The following SARM1 variants were observed in gnomAD, a reference collection of about 807,000 sequenced individuals.
SARM1 encodes NAD(+) hydrolase SARM1.
Under a neutral mutation model 65.1 loss-of-function variants are expected in SARM1, and 60 were observed. That is an observed-to-expected ratio of 0.92 (90% CI 0.75 to 1.14). The LOEUF is 1.14. Ranked by LOEUF, SARM1 falls within the 50% of genes most tolerant of loss-of-function variation. The pLI is 0.00. For missense variants in SARM1, 913 were observed against 1,015.7 expected (o/e 0.90, Z 1.37); for synonymous variants, 417 against 465.4 (o/e 0.90, Z 1.34).
intron 2 of SARM1, among the ~76,000 whole-genome samples, chr17:28,383,373 CA>C (rs2068033637): frequency 6.6e-6 from 1 of 151,950 alleles, no homozygotes; most frequent in Non-Finnish European, 1.5e-5. Context: ...GGCTCCATCT[CA>C]AAAAAGAAAA....
Position 28,396,283 on chromosome 17 carries a change from C to T in SARM1, c.2172C>T (p.Thr724=), listed in dbSNP as rs782029180. The T allele has an allele frequency of 5.6e-6, 9 of 1,613,822 alleles. No homozygotes were observed. In the African/African-American group the frequency reaches 1.1e-4, roughly 19 times the overall value. Residue 724 remains threonine, a synonymous_variant, in exon 9 of 9, where the codon ACC becomes ACT. Transcript: ENST00000585482. ...AGGGTGCTGCACCCATGGGTCCAACCTAACCAGTCCCCAGTTCCCCAGCCC... is the reference window on the plus strand; with the variant it reads ...AGGGTGCTGCACCCATGGGTCCAACTTAACCAGTCCCCAGTTCCCCAGCCC... ...SLEGAAPMGP[T]
At chr17:28,394,720 CT>C (rs1555587393) in intron 7 of SARM1, 3 of 152,174 alleles carry the variant, frequency 2.0e-5, no homozygotes, top group African/African-American at 7.2e-5. Flanking sequence ...TATAGAGTTT[CT>C]TTGAGTGCAA....
Position 28,402,152 on chromosome 17 carries a change from T to C in SARM1, c.*5866T>C. 8.6e-7 allele frequency: 1 copy of C among 1,165,272 alleles called. No individual in the cohort carries two copies. The highest frequency in any genetic ancestry group is 1.2e-6 in the Non-Finnish European group (1 of 822,368). 72.2% of individuals were successfully genotyped at this position (1,165,272 alleles called of 1,614,324 possible). On this transcript the variant is annotated 3_prime_UTR_variant, in exon 9 of 9. Coordinates refer to ENST00000585482, the MANE Select transcript of SARM1 (RefSeq NM_015077.4). ...CAGGGTGAGAGGGGGGAAGGCAAGC[T>C]GTTCCCCCAGCCATGGCTGCCCATC...
chr17:28,372,153 C>G lies in SARM1; in HGVS notation c.121C>G (p.Pro41Ala). ...PGPDGGGGTG[P>A]WWAAGGRGPR... ...GCCAGATGGGGGCGGTGGCACGGGC[C>G]CATGGTGGGCTGCGGGTGGCCGCGG... The change falls in exon 1 of 9, where the codon CCA becomes GCA. Residue 41 changes from proline (P) to alanine (A), a missense_variant. By Grantham distance (27) the Pro-to-Ala change is conservative (BLOSUM62 -1). Around this residue, in one of 3 missense-constraint regions of SARM1, gnomAD observed 12 missense variants for 31.5 expected, o/e 0.38. Transcript: ENST00000585482. This position sits in a 1 kb window ranked among gnomAD's most constrained non-coding sequence, Gnocchi z 5.2. 7.2e-7 allele frequency: 1 copy of G among 1,388,366 alleles called. No individual in the cohort carries two copies. Among genetic ancestry groups the G allele is most frequent in the African/African-American group, 1.5e-5 (1 of 65,772 alleles). The allele number at this position is 1,388,366 out of a possible 1,614,324, so 86.0% of individuals were successfully genotyped here.
chr17:28,385,726 G>C lies in SARM1; in HGVS notation c.1630+451G>C, dbSNP rs567434731. Among the ~76,000 whole-genome samples, 19 of 152,268 alleles carry C rather than the reference G, an allele frequency of 1.2e-4. No individual in the cohort carries two copies. The East Asian group carries it at 1.5e-3, about 12-fold the overall frequency. On this transcript the variant is annotated intron_variant, in intron 5 of 8. Coordinates refer to ENST00000585482, the MANE Select transcript of SARM1 (RefSeq NM_015077.4). This position sits in a 1 kb window ranked among gnomAD's most constrained non-coding sequence, Gnocchi z 4.5. The stretch of plus-strand genomic sequence containing the variant: ...TGGGGTGTAGGCGGGAAGGGTGTGC[G>C]TATGTGTGTTATCCTATTGGCCAAC...
In SARM1 at chr17:28,372,374, G is replaced by A. The variant is rs1479570257; in HGVS notation, c.342G>A (p.Gln114=). 1 of 1,523,164 alleles carries A rather than the reference G, an allele frequency of 6.6e-7. No individual in the cohort carries two copies. The highest frequency in any genetic ancestry group is 8.8e-7 in the Non-Finnish European group (1 of 1,141,798). 94.4% of individuals were successfully genotyped at this position (1,523,164 alleles called of 1,614,324 possible). The change falls in exon 1 of 9, where the codon CAG becomes CAA. Residue 114 remains glutamine (Q), a synonymous_variant. Transcript: ENST00000585482. This position sits in a 1 kb window ranked among gnomAD's most constrained non-coding sequence, Gnocchi z 5.2. ...LLPAVGREVA[Q]GLCDAIRLDG... ...CGGCCGTGGGCCGCGAGGTAGCCCA[G>A]GGTCTGTGCGACGCCATCCGCCTCG...
At chr17:28,379,438 G>A (rs1456794805) in intron 1 of SARM1, among the ~76,000 whole-genome samples, 9 of 150,274 alleles carry the variant, frequency 6.0e-5, no homozygotes, top group Non-Finnish European at 1.0e-4. Flanking sequence ...AGCCTCCTGA[G>A]CAGCTAGGAC....
chr17:28,396,069 C>G, intron 8 of SARM1, 43 bp downstream of exon 8: 4 of 1,613,568 alleles, frequency 2.5e-6, no homozygotes, highest in Non-Finnish European at 3.4e-6. Flanking sequence ...GGGTACAAAT[C>G]ACCATGACAG....
At chr17:28,392,079 C>A (rs1567810125) in intron 7 of SARM1, among the ~76,000 whole-genome samples, 1 of 151,626 alleles carries the variant, frequency 6.6e-6, no homozygotes, top group African/African-American at 2.4e-5. Flanking sequence ...TGATCCTGAA[C>A]AAACCATTAT....
At position 28,385,341 on chromosome 17, in the gene SARM1, G is replaced by A; in HGVS notation, c.1630+66G>A. ...CAGCCACGGCCCTGGAATGGTGAGG[G>A]GAGACACGGGGTGGAGCCTTCCAGC... On this transcript the variant is annotated intron_variant, in intron 5 of 8. Coordinates refer to ENST00000585482, the MANE Select transcript of SARM1 (RefSeq NM_015077.4). This position sits in a 1 kb window ranked among gnomAD's most constrained non-coding sequence, Gnocchi z 4.5. 8.1e-7 allele frequency: 1 copy of A among 1,239,258 alleles called. No individual in the cohort carries two copies. Among genetic ancestry groups the A allele is most frequent in the Non-Finnish European group, 1.1e-6 (1 of 911,186 alleles). 76.8% of individuals were successfully genotyped at this position (1,239,258 alleles called of 1,614,324 possible). A position where few individuals can be genotyped will look rare whatever the true frequency, so the allele number is the denominator to read the frequency against.
rs569375096 is a variant in SARM1, at chr17:28,381,831, G to C, written c.1089+10G>C. 3.7e-5 allele frequency: 53 copies of C among 1,434,824 alleles called. No homozygotes were observed. The African/African-American group carries it at 7.2e-4, about 19-fold the overall frequency. 88.9% of individuals were successfully genotyped at this position (1,434,824 alleles called of 1,614,324 possible). ...GCAAGGCAAGACCAAGGTGGGTGCAGATGTGGGGTTGGGTGGATCAGGGGT... is the reference window on the plus strand; with the variant it reads ...GCAAGGCAAGACCAAGGTGGGTGCACATGTGGGGTTGGGTGGATCAGGGGT... On this transcript the variant is annotated intron_variant, in intron 2 of 8. Transcript: ENST00000585482.
Position 28,399,350 on chromosome 17 carries a change from C to T in SARM1, c.*3064C>T. On this transcript the variant is annotated 3_prime_UTR_variant, in exon 9 of 9. Transcript: ENST00000585482. Reference sequence around the variant, plus strand: ...AGTGTCACCTCTCTCAGGACCTCTCCTCTGGCCTGTGGGGTTATAAGTGAT... The same window carrying T: ...AGTGTCACCTCTCTCAGGACCTCTCTTCTGGCCTGTGGGGTTATAAGTGAT... 1 of 373,440 alleles carries T rather than the reference C, an allele frequency of 2.7e-6. No individual in the cohort carries two copies. The highest frequency in any genetic ancestry group is 5.0e-6 in the Non-Finnish European group (1 of 199,342). 23.1% of individuals were successfully genotyped at this position (373,440 alleles called of 1,614,324 possible).
chr17:28,373,395 G>T (rs911476815), intron 1 of SARM1: 3 of 152,232 alleles, frequency 2.0e-5, no homozygotes, highest in African/African-American at 4.8e-5. Context: ...GCTTAGAAGA[G>T]TTTTTGGAAG....
rs1161547292 is a variant in SARM1 at position 28,400,171 on chromosome 17, A to G, written c.*3885A>G. ...CAGCCTCCCACAGGATCGGGATTAC[A>G]GGCAAGAGCCTCCACGCCCGGCCAT... On this transcript the variant is annotated 3_prime_UTR_variant, in exon 9 of 9. Coordinates refer to ENST00000585482, the MANE Select transcript of SARM1 (RefSeq NM_015077.4). The G allele has an allele frequency of 4.1e-6, 1 of 245,414 alleles. No homozygotes were observed. The highest frequency in any genetic ancestry group is 2.3e-5 in the African/African-American group (1 of 44,316). The allele number at this position is 245,414 out of a possible 1,614,324, so 15.2% of individuals were successfully genotyped here. A position where few individuals can be genotyped will look rare whatever the true frequency, so the allele number is the denominator to read the frequency against.
rs565317803 is a variant in SARM1, at chr17:28,389,597, C to T, written c.1923+1058C>T. Among the ~76,000 whole-genome samples, 14 of 152,254 alleles carry T rather than the reference C, an allele frequency of 9.2e-5. No homozygotes were observed. In the South Asian group the frequency reaches 2.9e-3, roughly 32 times the overall value. ...CAGTCAGCTCAGAGACAAGAATATGCCCAGAGGGCTGGGCACAGTGGTTCA... is the reference window on the plus strand; with the variant it reads ...CAGTCAGCTCAGAGACAAGAATATGTCCAGAGGGCTGGGCACAGTGGTTCA... On this transcript the variant is annotated intron_variant, in intron 7 of 8. Transcript: ENST00000585482.
At chr17:28,389,561 G>A (rs1269292133) in intron 7 of SARM1, among the ~76,000 whole-genome samples, 1 of 152,148 alleles carries the variant, frequency 6.6e-6, no homozygotes, top group Non-Finnish European at 1.5e-5. Context: ...TAAGAGACAG[G>A]ATGAGACAAG....
intron 1 of SARM1, among the ~76,000 whole-genome samples, chr17:28,376,852 G>A (rs1488331660): frequency 0.018 from 2 of 110 alleles, no homozygotes; most frequent in African/African-American, 0.062. Context: ...GCAGTGGCAC[G>A]ATCTTGGGCT....
At position 28,385,023 on chromosome 17, in the gene SARM1, T is replaced by C. The variant is rs2068043202; in HGVS notation, c.1395-17T>C. Reference sequence around the variant, plus strand: ...TCCGAGTCTGGACCTCAGCGTCTTCTCCTCCGTGGGGTGCAGGTTCTTTAG... The same window carrying C: ...TCCGAGTCTGGACCTCAGCGTCTTCCCCTCCGTGGGGTGCAGGTTCTTTAG... On this transcript the variant is annotated splice_polypyrimidine_tract_variant and intron_variant, in intron 4 of 8. Transcript: ENST00000585482. The surrounding 1 kb of genome is among the most constrained non-coding windows in gnomAD (Gnocchi z 4.5). 1 of 1,611,416 alleles carries C rather than the reference T, an allele frequency of 6.2e-7. No individual in the cohort carries two copies. The highest frequency in any genetic ancestry group is 8.5e-7 in the Non-Finnish European group (1 of 1,178,006).
At chr17:28,391,054 G>C (rs2068077461) in intron 7 of SARM1, among the ~76,000 whole-genome samples, 1 of 152,192 alleles carries the variant, frequency 6.6e-6, no homozygotes, top group South Asian at 2.1e-4. Flanking sequence ...CAGCTCTGAG[G>C]GGGTGTGAGG....
Sources: gnomAD v4.1 joint callset for allele counts (sites outside exome capture counted in the v4.1 genomes callset) on GRCh38, gnomAD v4.1.1 for gene constraint, gnomAD v4.1.1 regional missense constraint, Gnocchi (gnomAD v3.1) non-coding constraint, MANE v1.5 for transcripts, NCBI Gene and HGNC (gene_info 2026-07-23, HGNC 2026-07-21) for gene names.